The following WNK1 variants were observed in gnomAD, a reference collection of about 807,000 sequenced individuals.
WNK1 encodes the protein WNK lysine deficient protein kinase 1.
Under a neutral mutation model 222.8 loss-of-function variants are expected in WNK1, and 38 were observed. The observed-to-expected ratio is 0.17, with a 90% CI of 0.13 to 0.22. The LOEUF (loss-of-function observed/expected upper bound fraction) is 0.22, where lower values mean the gene tolerates loss of function less well. Ranked by LOEUF, WNK1 falls within the 10% of genes least tolerant of loss-of-function variation. WNK1 has a pLI of 1.00. For missense variants in WNK1, 2,348 were observed against 2,918.4 expected, an observed-to-expected ratio of 0.80 and a Z score of 4.50; for synonymous variants, 1,090 against 1,092.9, an observed-to-expected ratio of 1.00 and a Z score of 0.05.
At chr12:889,909 A>G (rs911919456) in intron 21 of WNK1, among the ~76,000 whole-genome samples, 5 of 152,130 alleles carry the variant, frequency 3.3e-5, no homozygotes, top group African/African-American at 1.2e-4. Context: ...TTAAGAAAGC[A>G]ATCAAGAATT....
intron 1 of WNK1, among the ~76,000 whole-genome samples, chr12:797,833 C>T (rs1945465146): frequency 6.6e-6 from 1 of 151,618 alleles, no homozygotes; most frequent in Non-Finnish European, 1.5e-5. Context: ...CCTGTAATCT[C>T]AGCTACTCAG....
rs1592292292 is a variant in WNK1 at position 911,376 on chromosome 12, G to A, written c.*2584G>A. 1.3e-5 allele frequency: 5 copies of A among 398,440 alleles called. No individual in the cohort carries two copies. Among genetic ancestry groups the A allele is most frequent in the African/African-American group, 4.1e-5 (2 of 48,608 alleles). The allele number at this position is 398,440 out of a possible 1,614,324, so 24.7% of individuals were successfully genotyped here. On this transcript the variant is annotated 3_prime_UTR_variant, in exon 28 of 28. Transcript: ENST00000315939. ...GGTGTTGCGCTTCTTGTAAGATTGC[G>A]CTTTGTGCTTCAGTTTGTTACCTTT...
intron 1 of WNK1, among the ~76,000 whole-genome samples, chr12:763,456 G>GC (rs1364372221): frequency 2.0e-5 from 3 of 146,896 alleles, no homozygotes; most frequent in Non-Finnish European, 4.6e-5. Flanking sequence ...GGGTGTGGTG[G>GC]TGCATGCCTG....
chr12:754,462 G>C, intron 1 of WNK1, 138 bp downstream of exon 1: 1 of 1,047,972 alleles, frequency 9.5e-7, no homozygotes, highest in Non-Finnish European at 1.5e-6. Flanking sequence ...TTTTGAAAGG[G>C]GCTGAAATTA....
chr12:807,476 T>A (rs1946473092), intron 1 of WNK1, among the ~76,000 whole-genome samples: 2 of 152,062 alleles, frequency 1.3e-5, no homozygotes, highest in Non-Finnish European at 1.5e-5. Flanking sequence ...CTTGTCTTTG[T>A]GATGTGCACA....
intron 4 of WNK1, among the ~76,000 whole-genome samples, chr12:853,762 T>C (rs531709558): frequency 6.6e-6 from 1 of 152,304 alleles, no homozygotes; most frequent in African/African-American, 2.4e-5. Context: ...AAGGAACTTT[T>C]TTTTTTGAGA....
chr12:835,345 C>CA (rs1949100269), intron 4 of WNK1, among the ~76,000 whole-genome samples: 1 of 151,612 alleles, frequency 6.6e-6, no homozygotes, highest in Admixed American at 6.6e-5. Flanking sequence ...CTTAAAAAAA[C>CA]AACAAAAAAA....
intron 12 of WNK1, 196 bp from the exon 13 acceptor site, chr12:881,496 A>G (rs1327683792): frequency 1.6e-6 from 1 of 626,866 alleles, no homozygotes; most frequent in Non-Finnish European, 2.9e-6. Flanking sequence ...AGTCTATACC[A>G]GAGACTAGCT....
intron 27 of WNK1, 38 bp downstream of exon 27, chr12:908,072 C>T (rs919453241): frequency 1.7e-5 from 27 of 1,607,524 alleles, no homozygotes; most frequent in Middle Eastern, 1.7e-4. Context: ...CCGTAACACA[C>T]ATCTGAGTCA....
intron 4 of WNK1, among the ~76,000 whole-genome samples, chr12:834,333 C>T (rs138382412): frequency 6.6e-6 from 1 of 152,260 alleles, no homozygotes; most frequent in African/African-American, 2.4e-5. Flanking sequence ...AGGCAAACTT[C>T]TGACTGCTGA....
intron 4 of WNK1, among the ~76,000 whole-genome samples, chr12:839,336 C>T (rs1949442378): frequency 6.6e-6 from 1 of 152,182 alleles, no homozygotes; most frequent in Non-Finnish European, 1.5e-5. Flanking sequence ...TCAACACCTA[C>T]AGACTTAAAT....
At chr12:846,415 C>T (rs929479146) in intron 4 of WNK1, among the ~76,000 whole-genome samples, 8 of 152,104 alleles carry the variant, frequency 5.3e-5, no homozygotes, top group South Asian at 4.1e-4. Flanking sequence ...AAGGATAGTG[C>T]GTTTGAACTG....
intron 26 of WNK1, among the ~76,000 whole-genome samples, chr12:906,077 T>C (rs72650799): frequency 6.6e-6 from 1 of 152,140 alleles, no homozygotes; most frequent in African/African-American, 2.4e-5. Flanking sequence ...AGGATTGCGT[T>C]AGGTGTGCTG....
chr12:786,334 T>C (rs1944301606), intron 1 of WNK1, among the ~76,000 whole-genome samples: 1 of 152,244 alleles, frequency 6.6e-6, no homozygotes, highest in Non-Finnish European at 1.5e-5. Context: ...ATGAATGTTA[T>C]ATACGTAAAT....
intron 1 of WNK1, among the ~76,000 whole-genome samples, chr12:799,666 A>G (rs563289198): frequency 6.6e-6 from 1 of 152,062 alleles, no homozygotes; most frequent in East Asian, 1.9e-4. Flanking sequence ...ACATAGTGAG[A>G]CCCTGACATT....
chr12:906,238 TG>T (rs1156357870), intron 26 of WNK1: 2 of 893,542 alleles, frequency 2.2e-6, no homozygotes, highest in Admixed American at 6.2e-5. Context: ...GGTAAGACAG[TG>T]GGGGGTAAGG....
intron 15 of WNK1, 32 bp from the exon 16 acceptor site, chr12:883,363 C>T (rs949861107): frequency 6.2e-7 from 1 of 1,611,776 alleles, no homozygotes; most frequent in African/African-American, 1.3e-5. Context: ...AGAAATGACA[C>T]TAATTAGACT....
intron 2 of WNK1, among the ~76,000 whole-genome samples, chr12:820,490 T>A (rs1486163749): frequency 8.4e-5 from 7 of 83,298 alleles, no homozygotes; most frequent in South Asian, 7.7e-4. Flanking sequence ...TTTTTTTTTT[T>A]AAACAGATGG....
At chr12:799,589 C>T (rs1591757475) in intron 1 of WNK1, among the ~76,000 whole-genome samples, 5 of 152,126 alleles carry the variant, frequency 3.3e-5, no homozygotes, top group Admixed American at 1.3e-4. Context: ...ACCTTGTAAT[C>T]GCAGCATTTT....
Sources: allele counts gnomAD v4.1 joint callset (sites outside exome capture counted in the v4.1 genomes callset), GRCh38; gene constraint gnomAD v4.1.1; transcripts MANE v1.5; gene names NCBI Gene and HGNC (gene_info 2026-07-23, HGNC 2026-07-21).